RRM2: variants seen among roughly 807,000 people sequenced by gnomAD.
RRM2 encodes the protein ribonucleoside-diphosphate reductase subunit M2.
Under a neutral mutation model 45.9 loss-of-function variants are expected in RRM2, and 6 were observed. The ratio of observed to expected loss-of-function variants is 0.13; its 90% confidence interval spans 0.07 to 0.26. The LOEUF is 0.26. RRM2 is among the 10% of genes least tolerant of loss of function. The probability of loss-of-function intolerance (pLI) is 1.00; values close to 1 mark genes in which losing one functional copy is unlikely to be tolerated. For missense variants in RRM2, 343 were observed against 489.5 expected, an observed-to-expected ratio of 0.70 and a Z score of 2.82; for synonymous variants, 177 against 173.0, an observed-to-expected ratio of 1.02 and a Z score of -0.18.
In RRM2 at chr2:10,172,914, G is replaced by T. The variant is rs1663832478; in HGVS notation, n.482+30539G>T. 1.3e-5 allele frequency among the ~76,000 whole-genome samples: 2 copies of T among 152,242 alleles called. No homozygotes were observed. The highest frequency in any genetic ancestry group is 4.8e-5 in the African/African-American group (2 of 41,466). On this transcript the variant is annotated intron_variant and non_coding_transcript_variant, in intron 3 of 3. Coordinates refer to the RRM2 transcript ENST00000381786. This position sits in a 1 kb window ranked among gnomAD's most constrained non-coding sequence, Gnocchi z 4.9. ...CCAACCCCCTGAGTCCCGGGGAACAGTGGCAAATCAGCACTCAGGAAATAT... is the reference window on the plus strand; with the variant it reads ...CCAACCCCCTGAGTCCCGGGGAACATTGGCAAATCAGCACTCAGGAAATAT...
chr2:10,202,472 C>T (rs1167059039), intron 3 of RRM2, among the ~76,000 whole-genome samples: 12 of 152,192 alleles, frequency 7.9e-5, no homozygotes, highest in Non-Finnish European at 2.9e-5. Context: ...AGAGGAGCTT[C>T]TGGCCGATTT....
At chr2:10,153,325 C>T (rs1319702663) in intron 3 of RRM2, among the ~76,000 whole-genome samples, 1 of 152,064 alleles carries the variant, frequency 6.6e-6, no homozygotes, top group Non-Finnish European at 1.5e-5. Context: ...CAGAGTGAGG[C>T]CCTGTCTCCA....
chr2:10,151,395 T>G (rs1663309972), intron 3 of RRM2, among the ~76,000 whole-genome samples: 1 of 151,298 alleles, frequency 6.6e-6, no homozygotes, highest in Non-Finnish European at 1.5e-5. Context: ...CCTCCTTGGT[T>G]CAAGCGATTC....
upstream of RRM2, among the ~76,000 whole-genome samples, chr2:10,137,787 CCCTCTCCTCTACTTCAGGGGGGTCTAG>C (rs1663016717): frequency 6.6e-6 from 1 of 152,148 alleles, no homozygotes; most frequent in Non-Finnish European, 1.5e-5. Context: ...TCTGAGTCTT[CCCTCTCCTCTACTTCAGGGGGGTCTAG>C]CCTCTCCTCC....
chr2:10,150,769 G>GT (rs760939701), intron 3 of RRM2, among the ~76,000 whole-genome samples: 2 of 52,186 alleles, frequency 3.8e-5, no homozygotes, highest in African/African-American at 8.9e-5. Flanking sequence ...ACAGTGTGTT[G>GT]TGTTTTTTTT....
At chr2:10,141,661 GC>G in intron 1 of RRM2, 1 of 713,598 alleles carries the variant, frequency 1.4e-6, no homozygotes, top group Non-Finnish European at 2.3e-6. Context: ...GCTCTGGGAA[GC>G]GGGGAGGCAG....
intron 3 of RRM2, among the ~76,000 whole-genome samples, chr2:10,163,686 GGTTC>G (rs1170661348): frequency 6.6e-6 from 1 of 152,204 alleles, no homozygotes; most frequent in Admixed American, 6.5e-5. Context: ...CGCGAGCCTC[GGTTC>G]CCCGGCTGCC....
chr2:10,180,598 G>A (rs12478825), intron 3 of RRM2, among the ~76,000 whole-genome samples: 46,251 of 151,916 alleles, frequency 0.3, 7,385 homozygotes, highest in South Asian at 0.49. Context: ...CAGGGCTCCT[G>A]CCTCCTGCTC....
rs560261658 is a variant in RRM2, at chr2:10,195,060, C to T, written n.483-15251C>T. On this transcript the variant is annotated intron_variant and non_coding_transcript_variant, in intron 3 of 3. Coordinates refer to the RRM2 transcript ENST00000381786. The surrounding 1 kb of genome is among the most constrained non-coding windows in gnomAD (Gnocchi z 4.9). ...TCACGAGGCCATGTGGTCGTGGCTACGGGTTTAATCTAAAATTCATTCTGA... is the reference window on the plus strand; with the variant it reads ...TCACGAGGCCATGTGGTCGTGGCTATGGGTTTAATCTAAAATTCATTCTGA... 2.6e-5 allele frequency among the ~76,000 whole-genome samples: 4 copies of T among 151,346 alleles called. No individual in the cohort carries two copies. The South Asian group carries it at 6.3e-4, about 24-fold the overall frequency.
At chr2:10,179,276 C>T (rs1663995509) in intron 3 of RRM2, among the ~76,000 whole-genome samples, 1 of 152,118 alleles carries the variant, frequency 6.6e-6, no homozygotes, top group African/African-American at 2.4e-5. Flanking sequence ...CTCAGCCTCC[C>T]AAGTAGCTGG....
chr2:10,166,676 G>A (rs909337487), intron 3 of RRM2, among the ~76,000 whole-genome samples: 1 of 152,234 alleles, frequency 6.6e-6, no homozygotes, highest in Non-Finnish European at 1.5e-5. Context: ...GGCTCAGCCT[G>A]TTGCCTGCAA....
intron 3 of RRM2, among the ~76,000 whole-genome samples, chr2:10,203,214 C>G (rs1572536972): frequency 6.6e-6 from 1 of 152,180 alleles, no homozygotes; most frequent in African/African-American, 2.4e-5. Flanking sequence ...TGTCAGTTTA[C>G]TAGCTTATTC....
intron 3 of RRM2, among the ~76,000 whole-genome samples, chr2:10,207,879 C>G (rs1425142122): frequency 6.6e-6 from 1 of 150,512 alleles, no homozygotes; most frequent in Non-Finnish European, 1.5e-5. Context: ...AAGCCTTCCT[C>G]TCCTTTGGCC....
At chr2:10,123,634 T>C in intron 3 of RRM2, 102 bp from the exon 4 acceptor site, 2 of 1,457,036 alleles carry the variant, frequency 1.4e-6, no homozygotes, top group East Asian at 2.3e-5. Context: ...CTGTGGGGCA[T>C]AGTAAGTGGT....
upstream of RRM2, among the ~76,000 whole-genome samples, chr2:10,138,019 G>A (rs1043432640): frequency 7.2e-5 from 11 of 152,092 alleles, no homozygotes; most frequent in African/African-American, 2.7e-4. Flanking sequence ...TTTTGTTTTT[G>A]AGATGGAGTC....
At chr2:10,210,633 C>G (rs999029572) in exon 4 of RRM2, 2 of 1,350,550 alleles carry the variant, frequency 1.5e-6, no homozygotes, top group African/African-American at 3.0e-5. Flanking sequence ...CACCCACTGC[C>G]TCTCATGCCG....
At chr2:10,152,229 TG>T (rs1387870768) in intron 3 of RRM2, among the ~76,000 whole-genome samples, 1 of 152,026 alleles carries the variant, frequency 6.6e-6, no homozygotes, top group African/African-American at 2.4e-5. Context: ...ATTGCAGGTG[TG>T]AGCCACCATG....
Position 10,195,294 on chromosome 2 carries a change from C to A in RRM2, n.483-15017C>A, listed in dbSNP as rs904450212. Reference sequence around the variant, plus strand: ...AGGAGGGGCTTCACAGAGGAGGCAGCGGCTCAGGTGGTCCCAGGAGGATGG... The same window carrying A: ...AGGAGGGGCTTCACAGAGGAGGCAGAGGCTCAGGTGGTCCCAGGAGGATGG... On this transcript the variant is annotated intron_variant and non_coding_transcript_variant, in intron 3 of 3. Transcript: ENST00000381786. The surrounding 1 kb of genome is among the most constrained non-coding windows in gnomAD (Gnocchi z 4.9). Among the ~76,000 whole-genome samples the A allele has an allele frequency of 6.6e-6, 1 of 152,076 alleles. No individual in the cohort carries two copies. The highest frequency in any genetic ancestry group is 1.5e-5 in the Non-Finnish European group (1 of 68,008).
chr2:10,142,246 A>G, intron 2 of RRM2: 1 of 1,493,216 alleles, frequency 6.7e-7, no homozygotes, highest in Non-Finnish European at 9.1e-7. Context: ...TCTGGATTTC[A>G]TTTCTAAGGG....
Sources: gnomAD v4.1 joint callset for allele counts (sites outside exome capture counted in the v4.1 genomes callset) on GRCh38, gnomAD v4.1.1 for gene constraint, Gnocchi (gnomAD v3.1) non-coding constraint, MANE v1.5 for transcripts, NCBI Gene and HGNC (gene_info 2026-07-23, HGNC 2026-07-21) for gene names.